Variants in TXN2 observed in about 807,000 individuals in gnomAD.
The protein encoded by TXN2 is thioredoxin, mitochondrial.
In TXN2, 12 loss-of-function variants were observed where a neutral mutation model predicts 14.6. The observed-to-expected ratio is 0.82, with a 90% CI of 0.53 to 1.33. The LOEUF is 1.33. TXN2 is among the 40% of genes most tolerant of loss of function. TXN2 has a pLI of 0.00. For missense variants in TXN2, 173 were observed against 207.7 expected, an observed-to-expected ratio of 0.83 and a Z score of 1.03; for synonymous variants, 89 against 81.0, an observed-to-expected ratio of 1.10 and a Z score of -0.53.
intron 3 of TXN2, 85 bp downstream of exon 3, chr22:36,476,648 C>T (rs1158695512): frequency 2.5e-6 from 4 of 1,579,220 alleles, no homozygotes; most frequent in Non-Finnish European, 2.6e-6. Flanking sequence ...ACCTGTGCTC[C>T]CCAAGATACC....
intron 2 of TXN2, among the ~76,000 whole-genome samples, chr22:36,478,009 C>T (rs1352264288): frequency 6.6e-6 from 1 of 151,758 alleles, no homozygotes; most frequent in South Asian, 2.1e-4. Flanking sequence ...TGGTGGTGTG[C>T]GCCTGTAATC....
intron 3 of TXN2, among the ~76,000 whole-genome samples, chr22:36,473,125 G>A (rs989976977): frequency 2.0e-5 from 3 of 152,140 alleles, no homozygotes; most frequent in Admixed American, 1.3e-4. Flanking sequence ...TGGTCAACAT[G>A]GTGAAACCCC....
chr22:36,477,691 T>G (rs1165709543), intron 2 of TXN2, among the ~76,000 whole-genome samples: 6 of 152,194 alleles, frequency 3.9e-5, no homozygotes, highest in African/African-American at 1.4e-4. Flanking sequence ...CACCAGTCCC[T>G]GGCTCACTTT....
chr22:36,481,483 G>A (rs1020516796), intron 1 of TXN2, 81 bp downstream of exon 1: 2 of 768,692 alleles, frequency 2.6e-6, no homozygotes, highest in Non-Finnish European at 3.2e-6. Flanking sequence ...CCGCCCGCCC[G>A]GCCGCCAGCC....
At chr22:36,473,999 G>A (rs1933336745) in intron 3 of TXN2, among the ~76,000 whole-genome samples, 1 of 152,232 alleles carries the variant, frequency 6.6e-6, no homozygotes, top group African/African-American at 2.4e-5. Flanking sequence ...GGCTGAAGCT[G>A]AAGCTGTAGT....
chr22:36,474,912 C>T (rs533054576), intron 3 of TXN2, among the ~76,000 whole-genome samples: 16 of 152,354 alleles, frequency 1.1e-4, no homozygotes, highest in African/African-American at 3.8e-4. Context: ...CCAACCCAGA[C>T]ACCTCCAGGC....
intron 2 of TXN2, among the ~76,000 whole-genome samples, chr22:36,479,314 A>G (rs1438151479): frequency 6.6e-6 from 1 of 150,920 alleles, no homozygotes; most frequent in Non-Finnish European, 1.5e-5. Flanking sequence ...CCTGACCAGA[A>G]GGCCCTTCAA....
At chr22:36,469,454 T>C (rs1040974381) in intron 3 of TXN2, among the ~76,000 whole-genome samples, 1 of 152,156 alleles carries the variant, frequency 6.6e-6, no homozygotes, top group Non-Finnish European at 1.5e-5. Flanking sequence ...GGCTTGGCCA[T>C]ACACAACCTG....
At chr22:36,471,208 C>T (rs192127186) in intron 3 of TXN2, among the ~76,000 whole-genome samples, 1 of 152,328 alleles carries the variant, frequency 6.6e-6, no homozygotes, top group Admixed American at 6.5e-5. Context: ...ACTGAGCCAA[C>T]TGAGGGGCTG....
At chr22:36,478,205 A>G (rs1250577257) in intron 2 of TXN2, among the ~76,000 whole-genome samples, 1 of 151,170 alleles carries the variant, frequency 6.6e-6, no homozygotes, top group Non-Finnish European at 1.5e-5. Context: ...ACAGCCCCTG[A>G]GTTGACCATT....
chr22:36,473,184 C>T (rs928302940), intron 3 of TXN2, among the ~76,000 whole-genome samples: 8 of 151,860 alleles, frequency 5.3e-5, no homozygotes, highest in South Asian at 2.1e-4. Flanking sequence ...GGCTCACGCC[C>T]GCAATCCTAG....
chr22:36,479,832 C>T (rs1359340580), intron 2 of TXN2, among the ~76,000 whole-genome samples: 1 of 151,904 alleles, frequency 6.6e-6, no homozygotes, highest in Non-Finnish European at 1.5e-5. Flanking sequence ...TGAAAGGAAA[C>T]TCCTTCCTAT....
chr22:36,476,126 C>T (rs2145825018), intron 3 of TXN2, among the ~76,000 whole-genome samples: 1 of 152,294 alleles, frequency 6.6e-6, no homozygotes, highest in Middle Eastern at 3.4e-3. Context: ...TCCCAAATGA[C>T]TGCTCACTGA....
intron 3 of TXN2, among the ~76,000 whole-genome samples, chr22:36,476,373 A>C (rs1341454579): frequency 1.3e-5 from 2 of 152,172 alleles, no homozygotes; most frequent in Non-Finnish European, 2.9e-5. Context: ...TGGGTGGATC[A>C]TAAGGTCAGG....
chr22:36,473,420 G>A (rs1208116854), intron 3 of TXN2, among the ~76,000 whole-genome samples: 2 of 152,164 alleles, frequency 1.3e-5, no homozygotes, highest in Non-Finnish European at 2.9e-5. Flanking sequence ...TCCAGCCTGG[G>A]CGACAGAGCG....
intron 2 of TXN2, among the ~76,000 whole-genome samples, chr22:36,479,677 G>A (rs1380369222): frequency 1.3e-5 from 2 of 152,102 alleles, no homozygotes; most frequent in Admixed American, 6.6e-5. Context: ...GTTTCTCCCA[G>A]GATGCCTCAT....
In TXN2 at chr22:36,467,503, C is replaced by T. The variant is rs550079428; in HGVS notation, c.*301G>A. 84 of 344,194 alleles carry T rather than the reference C, an allele frequency of 2.4e-4. No individual in the cohort carries two copies. Among genetic ancestry groups the T allele is most frequent in the Non-Finnish European group, 3.8e-4 (69 of 181,738 alleles). 21.3% of individuals were successfully genotyped at this position (344,194 alleles called of 1,614,324 possible). ...CAAGGTGTGGCTGCCTGACTAGGAA[C>T]GCTGTGGGCTGGCCCAGGCTCTCGC... On this transcript the variant is annotated 3_prime_UTR_variant, in exon 4 of 4. Coordinates refer to ENST00000216185, the MANE Select transcript of TXN2 (RefSeq NM_012473.4).
At chr22:36,470,250 A>T (rs1431895405) in intron 3 of TXN2, among the ~76,000 whole-genome samples, 3 of 152,198 alleles carry the variant, frequency 2.0e-5, no homozygotes, top group African/African-American at 7.2e-5. Flanking sequence ...GGGGACAAAC[A>T]CAGCAGGTCA....
chr22:36,472,376 A>AT lies in TXN2; in HGVS notation c.387+4356dup, dbSNP rs1162871408. Among the ~76,000 whole-genome samples, 3 of 152,078 alleles carry AT rather than the reference A, an allele frequency of 2.0e-5. No homozygotes were observed. In the East Asian group the frequency reaches 5.8e-4, roughly 29 times the overall value. On this transcript the variant is annotated intron_variant, in intron 3 of 3. Transcript: ENST00000216185. ...AGAATGTGGACACCGGCTATGACAC[A>AT]TTTGTCCAAACCCACAGCAGGCACA...
Sources: gnomAD v4.1 joint callset for allele counts (sites outside exome capture counted in the v4.1 genomes callset) on GRCh38, gnomAD v4.1.1 for gene constraint, MANE v1.5 for transcripts, NCBI Gene and HGNC (gene_info 2026-07-23, HGNC 2026-07-21) for gene names.